FAM20A: variants seen among roughly 807,000 people sequenced by gnomAD.
The protein encoded by FAM20A is pseudokinase FAM20A.
In FAM20A, 42 loss-of-function variants were observed where a neutral mutation model predicts 52.0. The observed-to-expected ratio is 0.81, with a 90% CI of 0.63 to 1.04. The LOEUF is 1.04. FAM20A is among the 50% of genes least tolerant of loss of function. FAM20A has a pLI of 0.00. For missense variants in FAM20A, 742 were observed against 712.7 expected (o/e 1.04, Z -0.47); for synonymous variants, 304 against 298.9 (o/e 1.02, Z -0.18).
chr17:68,546,214 C>G (rs531624299), intron 4 of FAM20A, among the ~76,000 whole-genome samples: 16 of 145,498 alleles, frequency 1.1e-4, no homozygotes, highest in Non-Finnish European at 1.0e-4. Flanking sequence ...TCTATCTGTT[C>G]AAGTTTGATC....
chr17:68,538,390 A>T (rs551001105), intron 10 of FAM20A, among the ~76,000 whole-genome samples: 1 of 152,376 alleles, frequency 6.6e-6, no homozygotes, highest in East Asian at 1.9e-4. Flanking sequence ...CCTAAGACAT[A>T]GATGAGGAAT....
At chr17:68,599,440 A>G (rs2088547351) in intron 1 of FAM20A, among the ~76,000 whole-genome samples, 1 of 152,156 alleles carries the variant, frequency 6.6e-6, no homozygotes, top group South Asian at 2.1e-4. Context: ...CTTTTCCAGA[A>G]AGATTCTTAA....
intron 10 of FAM20A, among the ~76,000 whole-genome samples, chr17:68,538,746 T>C (rs1319189897): frequency 2.0e-5 from 3 of 152,134 alleles, no homozygotes; most frequent in Admixed American, 1.3e-4. Flanking sequence ...ACTGCAAAAA[T>C]AGGTGATTAT....
intron 1 of FAM20A, among the ~76,000 whole-genome samples, chr17:68,558,679 T>C (rs902712447): frequency 6.6e-6 from 1 of 152,212 alleles, no homozygotes; most frequent in African/African-American, 2.4e-5. Context: ...AATTACATCT[T>C]TTTTTAAAAA....
intron 1 of FAM20A, among the ~76,000 whole-genome samples, chr17:68,575,789 T>TACACACACACACACACAC (rs1491430631): frequency 4.6e-4 from 19 of 41,364 alleles, no homozygotes; most frequent in South Asian, 1.6e-3. Flanking sequence ...TATTTTATAT[T>TACACACACACACACACAC]ATACACACAC....
chr17:68,559,491 C>T (rs768160641), intron 1 of FAM20A, among the ~76,000 whole-genome samples: 1 of 152,096 alleles, frequency 6.6e-6, no homozygotes, highest in Non-Finnish European at 1.5e-5. Flanking sequence ...AAAAATAAAA[C>T]CTTAGTTACA....
At chr17:68,574,421 C>T (rs952956868) in intron 1 of FAM20A, among the ~76,000 whole-genome samples, 10 of 152,092 alleles carry the variant, frequency 6.6e-5, no homozygotes, top group Non-Finnish European at 1.2e-4. Context: ...CACGATAACC[C>T]GTTAATCTGT....
intron 6 of FAM20A, 66 bp from the exon 7 acceptor site, chr17:68,542,231 C>G (rs994152711): frequency 2.6e-6 from 4 of 1,560,420 alleles, no homozygotes; most frequent in Non-Finnish European, 2.6e-6. Context: ...TCTTCCTGGC[C>G]TAGGAAATCC....
At chr17:68,554,612 C>T (rs1367586626) in intron 3 of FAM20A, among the ~76,000 whole-genome samples, 165 bp downstream of exon 3, 1 of 152,138 alleles carries the variant, frequency 6.6e-6, no homozygotes, top group Non-Finnish European at 1.5e-5. Flanking sequence ...CCTTAAGTGC[C>T]TTTTCTTGTT....
At position 68,535,130 on chromosome 17, in the gene FAM20A, C is replaced by G. The variant is rs1230752137; in HGVS notation, c.*2347G>C. On this transcript the variant is annotated 3_prime_UTR_variant, in exon 11 of 11. Transcript: ENST00000592554. ...TTGAAAAGTTCTCAGAGTCAAGAGA[C>G]TTTTTATTTCATGGGAGGTAAACAG... The G allele has an allele frequency of 1.4e-5, 5 of 369,740 alleles. No homozygotes were observed. The highest frequency in any genetic ancestry group is 2.6e-5 in the Non-Finnish European group (5 of 190,218). The allele number at this position is 369,740 out of a possible 1,614,324, so 22.9% of individuals were successfully genotyped here.
chr17:68,589,877 C>A (rs1352744786), intron 1 of FAM20A, among the ~76,000 whole-genome samples: 2 of 152,096 alleles, frequency 1.3e-5, no homozygotes, highest in African/African-American at 4.8e-5. Flanking sequence ...CAGGAATAAT[C>A]TTATTTTAGC....
chr17:68,554,063 C>CAT (rs557066077), intron 3 of FAM20A, among the ~76,000 whole-genome samples: 1 of 102,336 alleles, frequency 9.8e-6, no homozygotes, highest in Non-Finnish European at 1.9e-5. Context: ...TACACATATA[C>CAT]ACACATATAC....
Position 68,540,827 on chromosome 17 carries a change from G to T in FAM20A, c.1219+22C>A. The stretch of plus-strand genomic sequence containing the variant: ...ACATAGCAGAGCCCACTTCTGCTGG[G>T]GGCCTGCGTGTGGGGACCTACCTAT... On this transcript the variant is annotated intron_variant, in intron 8 of 10. Transcript: ENST00000592554. The T allele has an allele frequency of 1.9e-6, 3 of 1,578,080 alleles. No homozygotes were observed. In the South Asian group the frequency reaches 3.4e-5, roughly 18 times the overall value.
rs761191418 is a variant in FAM20A, at chr17:68,536,906, C to A, written c.*571G>T. On this transcript the variant is annotated 3_prime_UTR_variant, in exon 11 of 11. Coordinates refer to ENST00000592554, the MANE Select transcript of FAM20A (RefSeq NM_017565.4). Reference sequence around the variant, plus strand: ...GTTATAATATCTCTAAGAAGTTACTCCAGGACCGGGCAGTAGGGATTACTG... The same window carrying A: ...GTTATAATATCTCTAAGAAGTTACTACAGGACCGGGCAGTAGGGATTACTG... The A allele has an allele frequency of 4.2e-5, 19 of 454,036 alleles. No individual in the cohort carries two copies. Among genetic ancestry groups the A allele is most frequent in the Admixed American group, 7.1e-5 (3 of 42,552 alleles). 28.1% of individuals were successfully genotyped at this position (454,036 alleles called of 1,614,324 possible).
intron 9 of FAM20A, 66 bp downstream of exon 9, chr17:68,539,819 G>T: frequency 6.6e-7 from 1 of 1,506,010 alleles, no homozygotes; most frequent in Non-Finnish European, 9.2e-7. Context: ...TTTCCCCCGA[G>T]CAGCTGGCTG....
intron 4 of FAM20A, among the ~76,000 whole-genome samples, chr17:68,549,609 T>C (rs2086739316): frequency 6.6e-6 from 1 of 152,244 alleles, no homozygotes; most frequent in South Asian, 2.1e-4. Flanking sequence ...TCATTACTTT[T>C]ATGCTTCTCA....
intron 1 of FAM20A, among the ~76,000 whole-genome samples, chr17:68,565,715 C>T (rs2087359005): frequency 6.6e-6 from 1 of 151,984 alleles, no homozygotes; most frequent in Admixed American, 6.6e-5. Flanking sequence ...CTTAATTTTC[C>T]CCTTTTTTTC....
At chr17:68,576,278 G>A (rs1216775772) in intron 1 of FAM20A, among the ~76,000 whole-genome samples, 1 of 152,162 alleles carries the variant, frequency 6.6e-6, no homozygotes, top group Non-Finnish European at 1.5e-5. Context: ...CTTCACATGT[G>A]CTGGCTCATG....
At chr17:68,543,455 TG>T (rs1174517633) in intron 5 of FAM20A, among the ~76,000 whole-genome samples, 173 bp downstream of exon 5, 1 of 152,112 alleles carries the variant, frequency 6.6e-6, no homozygotes, top group Non-Finnish European at 1.5e-5. Context: ...TTTTTCAATC[TG>T]GGGGGTTGCA....
Sources: allele counts gnomAD v4.1 joint callset (sites outside exome capture counted in the v4.1 genomes callset), GRCh38; gene constraint gnomAD v4.1.1; transcripts MANE v1.5; gene names NCBI Gene and HGNC (gene_info 2026-07-23, HGNC 2026-07-21).